The following CDKL1 variants were observed in gnomAD, a reference collection of about 807,000 sequenced individuals.
CDKL1 encodes cyclin-dependent kinase-like 1.
Under a neutral mutation model 42.0 loss-of-function variants are expected in CDKL1, and 41 were observed. The ratio of observed to expected loss-of-function variants is 0.98; its 90% CI spans 0.76 to 1.27. The LOEUF (loss-of-function observed/expected upper bound fraction) is 1.27, where lower values mean the gene tolerates loss of function less well. CDKL1 is among the 50% of genes most tolerant of loss of function. CDKL1 has a pLI of 0.00. For synonymous variants in CDKL1, 153 were observed against 158.6 expected, an observed-to-expected ratio of 0.96 and a Z score of 0.26; for missense variants, 394 against 428.4, an observed-to-expected ratio of 0.92 and a Z score of 0.71.
intron 2 of CDKL1, among the ~76,000 whole-genome samples, chr14:50,380,882 G>A (rs1404660784): frequency 3.4e-5 from 5 of 149,212 alleles, no homozygotes; most frequent in African/African-American, 1.2e-4. Context: ...GCTCTCTGTA[G>A]CCTTCAACTC....
At chr14:50,347,735 T>C (rs148522512) in intron 3 of CDKL1, among the ~76,000 whole-genome samples, 1,957 of 152,168 alleles carry the variant, frequency 0.013, 17 homozygotes, top group Non-Finnish European at 0.019. Context: ...TTGAGAAGCA[T>C]AGCATATGGG....
At chr14:50,383,015 C>T (rs1287315207) in intron 2 of CDKL1, among the ~76,000 whole-genome samples, 2 of 151,752 alleles carry the variant, frequency 1.3e-5, no homozygotes, top group Non-Finnish European at 2.9e-5. Context: ...GCAAGCTCCA[C>T]CTCCCAGGTT....
At chr14:50,342,790 G>T in intron 4 of CDKL1, 1 of 959,178 alleles carries the variant, frequency 1.0e-6, no homozygotes, top group Non-Finnish European at 1.4e-6. Flanking sequence ...CAAGCCCTGG[G>T]CCTGCTGAGA....
chr14:50,371,637 G>A (rs933763446), intron 2 of CDKL1, among the ~76,000 whole-genome samples: 7 of 152,218 alleles, frequency 4.6e-5, no homozygotes, highest in African/African-American at 1.7e-4. Context: ...TGGCTGCAGT[G>A]GGGGAGGCGC....
At chr14:50,338,789 A>G (rs2033401548) in intron 7 of CDKL1, among the ~76,000 whole-genome samples, 158 bp downstream of exon 7, 1 of 152,206 alleles carries the variant, frequency 6.6e-6, no homozygotes, top group South Asian at 2.1e-4. Flanking sequence ...CTAAATGAGC[A>G]GTAAGGCTAA....
Position 50,326,691 on chromosome 14 carries a change from A to G in CDKL1, c.*3383T>C, listed in dbSNP as rs2032717848. 1 of 985,334 alleles carries G rather than the reference A, an allele frequency of 1.0e-6. No homozygotes were observed. The highest frequency in any genetic ancestry group is 1.7e-5 in the African/African-American group (1 of 57,242). The allele number at this position is 985,334 out of a possible 1,614,324, so 61.0% of individuals were successfully genotyped here. On this transcript the variant is annotated 3_prime_UTR_variant, in exon 10 of 10. Coordinates refer to ENST00000395834, the MANE Select transcript of CDKL1 (RefSeq NM_004196.7). ...TACAAATAGTTTTGCAGATTGCAATATAATAAAGGAAACAGTAAAAACTAG... is the reference window on the plus strand; with the variant it reads ...TACAAATAGTTTTGCAGATTGCAATGTAATAAAGGAAACAGTAAAAACTAG...
intron 2 of CDKL1, among the ~76,000 whole-genome samples, chr14:50,376,780 C>A (rs1202461362): frequency 6.6e-6 from 1 of 152,076 alleles, no homozygotes; most frequent in Non-Finnish European, 1.5e-5. Context: ...ACTGTAAGAT[C>A]TGGGATTATA....
intron 4 of CDKL1, chr14:50,342,749 G>A: frequency 1.7e-6 from 1 of 582,860 alleles, no homozygotes; most frequent in South Asian, 2.6e-5. Flanking sequence ...GTTTAACTGT[G>A]AACAGAACAC....
chr14:50,358,274 G>A (rs2034118760), intron 3 of CDKL1: 1 of 487,164 alleles, frequency 2.1e-6, no homozygotes, highest in East Asian at 8.5e-5. Flanking sequence ...TGAAACCAAA[G>A]AAATCCTGAG....
At chr14:50,341,779 T>TC (rs1555339549) in intron 5 of CDKL1, among the ~76,000 whole-genome samples, 3 of 84,022 alleles carry the variant, frequency 3.6e-5, no homozygotes, top group Non-Finnish European at 4.9e-5. Flanking sequence ...AGACCCTGTC[T>TC]CAAAAAAAAA....
chr14:50,353,363 TC>T (rs1234142702), intron 3 of CDKL1, among the ~76,000 whole-genome samples: 1 of 152,226 alleles, frequency 6.6e-6, no homozygotes, highest in Non-Finnish European at 1.5e-5. Context: ...TCCAGCATTC[TC>T]AATTACAGAA....
At chr14:50,342,951 T>A (rs748159082) in intron 4 of CDKL1, 2 of 1,357,622 alleles carry the variant, frequency 1.5e-6, no homozygotes, top group Non-Finnish European at 2.0e-6. Flanking sequence ...CACACACAAG[T>A]GCTCTGAGAG....
rs140229503 is a variant in CDKL1 at position 50,349,525 on chromosome 14, C to T, written c.291-4467G>A. Among the ~76,000 whole-genome samples the T allele has an allele frequency of 4.0e-3, 604 of 152,302 alleles. 3 individuals carry two copies. The highest frequency in any genetic ancestry group is 0.02 in the Middle Eastern group (6 of 294). On this transcript the variant is annotated intron_variant, in intron 3 of 9. Coordinates refer to ENST00000395834, the MANE Select transcript of CDKL1 (RefSeq NM_004196.7). ...AGAGGGAGATGACGGGATAACTGCA[C>T]TCCAGGTGGCAAAAGCAACCCATCC...
intron 7 of CDKL1, chr14:50,335,708 T>C (rs2033232174): frequency 6.9e-7 from 1 of 1,459,324 alleles, no homozygotes; most frequent in Non-Finnish European, 9.0e-7. Flanking sequence ...GCATTGTGTG[T>C]ATAAAAGTGG....
At chr14:50,380,802 C>CTTTGTTTTTTTTTTTTTTT (rs368170212) in intron 2 of CDKL1, among the ~76,000 whole-genome samples, 10 of 134,618 alleles carry the variant, frequency 7.4e-5, no homozygotes, top group Admixed American at 7.7e-5. Flanking sequence ...CTGTGACTTC[C>CTTTGTTTTTTTTTTTTTTT]TTTTTTTTTT....
In CDKL1 at chr14:50,345,068, A is replaced by G. The variant is rs542129529; in HGVS notation, c.291-10T>C. The G allele has an allele frequency of 1.2e-6, 2 of 1,612,868 alleles. No individual in the cohort carries two copies. The highest frequency in any genetic ancestry group is 1.3e-5 in the African/African-American group (1 of 75,032). On this transcript the variant is annotated splice_polypyrimidine_tract_variant and intron_variant, in intron 3 of 9. Coordinates refer to ENST00000395834, the MANE Select transcript of CDKL1 (RefSeq NM_004196.7). ...GAGATGTTCTGGTACCCTAATAAAAATAAAGCAGCACAAACACATTCTTTA... is the reference window on the plus strand; with the variant it reads ...GAGATGTTCTGGTACCCTAATAAAAGTAAAGCAGCACAAACACATTCTTTA...
At chr14:50,387,899 T>C (rs1159311221) in intron 2 of CDKL1, among the ~76,000 whole-genome samples, 1 of 152,078 alleles carries the variant, frequency 6.6e-6, no homozygotes, top group Non-Finnish European at 1.5e-5. Flanking sequence ...TGTTTGTTTG[T>C]TTGTTTTGTT....
At chr14:50,375,561 C>T (rs1413422325) in intron 2 of CDKL1, among the ~76,000 whole-genome samples, 1 of 152,126 alleles carries the variant, frequency 6.6e-6, no homozygotes, top group Non-Finnish European at 1.5e-5. Flanking sequence ...AGTGGTAAGT[C>T]GCTGAGGCGG....
chr14:50,343,590 G>A (rs1295698998), intron 4 of CDKL1, among the ~76,000 whole-genome samples: 3 of 152,174 alleles, frequency 2.0e-5, no homozygotes, highest in Non-Finnish European at 4.4e-5. Context: ...AGAAGTACTT[G>A]TAAGCAAGCA....
Sources: gnomAD v4.1 joint callset for allele counts (sites outside exome capture counted in the v4.1 genomes callset) on GRCh38, gnomAD v4.1.1 for gene constraint, MANE v1.5 for transcripts, NCBI Gene and HGNC (gene_info 2026-07-23, HGNC 2026-07-21) for gene names.